GRM5: variants seen among roughly 807,000 people sequenced by gnomAD.
GRM5 encodes metabotropic glutamate receptor 5.
In GRM5, 19 loss-of-function variants were observed where a neutral mutation model predicts 83.1. The observed-to-expected ratio is 0.23, with a 90% confidence interval of 0.16 to 0.34. The LOEUF is 0.34. Ranked by LOEUF, GRM5 falls within the 10% of genes least tolerant of loss-of-function variation. The pLI is 1.00. For missense variants in GRM5, 1,160 were observed against 1,588.3 expected (o/e 0.73, Z 4.58); for synonymous variants, 675 against 633.6 (o/e 1.07, Z -0.98).
Position 88,849,569 on chromosome 11 carries a change from A to T in GRM5, c.911+337T>A, listed in dbSNP as rs182639928. Among the ~76,000 whole-genome samples the T allele has an allele frequency of 1.6e-3, 240 of 152,320 alleles. 1 individual carries two copies. The highest frequency in any genetic ancestry group is 5.5e-3 in the African/African-American group (228 of 41,580). ...AGCTCATGTAGTCATTCTCAAAATC[A>T]GCTTTAAAAGCAACTATGAGTTTGA... On this transcript the variant is annotated intron_variant, in intron 3 of 9. Transcript: ENST00000305447.
intron 3 of GRM5, among the ~76,000 whole-genome samples, chr11:88,700,480 A>G (rs1355938637): frequency 2.0e-5 from 3 of 152,208 alleles, no homozygotes; most frequent in Non-Finnish European, 4.4e-5. Flanking sequence ...GGTCCCCAGT[A>G]TGGCACAACT....
At chr11:89,008,064 G>T (rs1940580329) in intron 2 of GRM5, among the ~76,000 whole-genome samples, 1 of 152,080 alleles carries the variant, frequency 6.6e-6, no homozygotes, top group Non-Finnish European at 1.5e-5. Flanking sequence ...GTTGTAAGAG[G>T]AGAAATATGT....
At chr11:88,888,798 G>A (rs968272209) in intron 2 of GRM5, among the ~76,000 whole-genome samples, 2 of 152,080 alleles carry the variant, frequency 1.3e-5, no homozygotes, top group Non-Finnish European at 2.9e-5. Flanking sequence ...CTTTCTGTAT[G>A]GTTCTGTCCA....
Position 88,762,579 on chromosome 11 carries a change from T to A in GRM5, c.911+87327A>T, listed in dbSNP as rs955811752. On this transcript the variant is annotated intron_variant, in intron 3 of 9. Coordinates refer to ENST00000305447, the MANE Select transcript of GRM5 (RefSeq NM_001143831.3). Reference sequence around the variant, plus strand: ...AAAGGGGAAACTTATACACTGTTGATGGGTGTGTAAACTAGTTCAACTATT... The same window carrying A: ...AAAGGGGAAACTTATACACTGTTGAAGGGTGTGTAAACTAGTTCAACTATT... 2.3e-4 allele frequency among the ~76,000 whole-genome samples: 35 copies of A among 151,996 alleles called. 1 individual carries two copies. The highest frequency in any genetic ancestry group is 1.6e-3 in the Admixed American group (24 of 15,222).
intron 2 of GRM5, among the ~76,000 whole-genome samples, chr11:88,890,436 G>C (rs1243766781): frequency 6.6e-6 from 1 of 152,090 alleles, no homozygotes; most frequent in Non-Finnish European, 1.5e-5. Context: ...TCTTACAAGT[G>C]CTGAATATTC....
At chr11:88,873,666 T>A (rs1944804496) in intron 2 of GRM5, among the ~76,000 whole-genome samples, 1 of 151,340 alleles carries the variant, frequency 6.6e-6, no homozygotes, top group Non-Finnish European at 1.5e-5. Flanking sequence ...TTGATACAAA[T>A]GAAAATGGAA....
chr11:88,856,550 T>C (rs1590916305), intron 2 of GRM5, among the ~76,000 whole-genome samples: 1 of 152,194 alleles, frequency 6.6e-6, no homozygotes, highest in African/African-American at 2.4e-5. Context: ...TTTAAATGTA[T>C]ATAAGTAGAA....
intron 3 of GRM5, among the ~76,000 whole-genome samples, chr11:88,836,096 T>C (rs2135525215): frequency 6.6e-6 from 1 of 152,298 alleles, no homozygotes. Flanking sequence ...TGAGTAATAT[T>C]GAAAACTTAA....
intron 4 of GRM5, chr11:88,612,752 T>C (rs1231851162): frequency 6.6e-6 from 1 of 152,236 alleles, no homozygotes; most frequent in Non-Finnish European, 1.5e-5. Context: ...GTTTTTTGGC[T>C]GCATAAATGT....
At chr11:88,880,534 C>T (rs961152666) in intron 2 of GRM5, among the ~76,000 whole-genome samples, 11 of 152,122 alleles carry the variant, frequency 7.2e-5, no homozygotes, top group African/African-American at 2.7e-4. Context: ...TAAACAACAA[C>T]CCTGGAATAC....
chr11:88,800,351 T>C lies in GRM5; in HGVS notation c.911+49555A>G, dbSNP rs143994237. On this transcript the variant is annotated intron_variant, in intron 3 of 9. Transcript: ENST00000305447. ...TTTTCTTGACAAAGAGAGATTGTCA[T>C]AGCAATTCCTTTTCTGACAATCACA... Among the ~76,000 whole-genome samples the C allele has an allele frequency of 3.3e-5, 5 of 152,170 alleles. No individual in the cohort carries two copies. In the East Asian group the frequency reaches 7.7e-4, roughly 24 times the overall value.
Position 89,047,758 on chromosome 11 carries a change from C to T in GRM5, c.115G>A (p.Ala39Thr). The change falls in exon 2 of 10, where the codon GCT (alanine) becomes ACT (threonine). Residue 39 changes from alanine to threonine, a missense_variant. Around this residue, in one of 9 missense-constraint regions of GRM5, gnomAD observed 71 missense variants for 145.8 expected, o/e 0.49. Coordinates refer to ENST00000305447, the MANE Select transcript of GRM5 (RefSeq NM_001143831.3). The surrounding 1 kb of genome is among the most constrained non-coding windows in gnomAD (Gnocchi z 5.1). ...GGCTGGTGATGAACAGAAAAGAGAG[C>T]TCCAATAATGATGTCACCCGGCATG... ...AHMPGDIIIG[A>T]LFSVHHQPTV... is the part of the protein sequence containing the mutation. 2 of 1,614,080 alleles carry T rather than the reference C, an allele frequency of 1.2e-6. No homozygotes were observed. The highest frequency in any genetic ancestry group is 1.7e-6 in the Non-Finnish European group (2 of 1,180,004).
At chr11:88,578,910 A>G (rs531733608) in intron 7 of GRM5, among the ~76,000 whole-genome samples, 1 of 152,230 alleles carries the variant, frequency 6.6e-6, no homozygotes, top group South Asian at 2.1e-4. Context: ...ATCCTGTTAG[A>G]AAGAATCCAT....
intron 3 of GRM5, among the ~76,000 whole-genome samples, chr11:88,774,936 G>A (rs1942816692): frequency 6.6e-6 from 1 of 152,200 alleles, no homozygotes; most frequent in African/African-American, 2.4e-5. Flanking sequence ...CCAGGCTTTG[G>A]TATCAGGATG....
rs1012931555 is a variant in GRM5 at position 88,507,059 on chromosome 11, C to T, written c.*1533G>A. On this transcript the variant is annotated 3_prime_UTR_variant, in exon 10 of 10. Transcript: ENST00000305447. Reference sequence around the variant, plus strand: ...CAAAACATTTGGTACCTGAGGATAGCTGCAATGGGAGGAAGAAAGAGATGA... The same window carrying T: ...CAAAACATTTGGTACCTGAGGATAGTTGCAATGGGAGGAAGAAAGAGATGA... The T allele has an allele frequency of 1.2e-4, 18 of 152,034 alleles. No individual in the cohort carries two copies. The highest frequency in any genetic ancestry group is 4.4e-4 in the African/African-American group (18 of 41,348). The allele number at this position is 152,034 out of a possible 1,614,324, so 9.4% of individuals were successfully genotyped here.
Position 88,638,855 on chromosome 11 carries a change from CTCTTT to C in GRM5, c.1147+14308_1147+14312del, listed in dbSNP as rs560427101. The stretch of plus-strand genomic sequence containing the variant: ...CTGATATTAGTAATTTGTATTGTTT[CTCTTT>C]TCTTTTTTTTCTGATCAATTTGATT... On this transcript the variant is annotated intron_variant, in intron 4 of 9. Transcript: ENST00000305447. Among the ~76,000 whole-genome samples the C allele has an allele frequency of 3.6e-3, 540 of 151,932 alleles. 5 individuals are homozygous for C. The highest frequency in any genetic ancestry group is 4.2e-3 in the Non-Finnish European group (282 of 67,912).
intron 3 of GRM5, among the ~76,000 whole-genome samples, chr11:88,813,061 A>G (rs1047229649): frequency 2.0e-5 from 3 of 152,092 alleles, no homozygotes; most frequent in Non-Finnish European, 1.5e-5. Flanking sequence ...TCCGGGGAAG[A>G]TTAGTATTTA....
intron 2 of GRM5, among the ~76,000 whole-genome samples, chr11:88,936,903 T>A (rs529317536): frequency 3.8e-4 from 58 of 151,876 alleles, no homozygotes; most frequent in African/African-American, 1.3e-3. Flanking sequence ...TAGTAATCAC[T>A]TTGAATGCTA....
chr11:88,602,724 A>T (rs1938034296), intron 5 of GRM5, among the ~76,000 whole-genome samples: 1 of 152,204 alleles, frequency 6.6e-6, no homozygotes, highest in Admixed American at 6.5e-5. Context: ...TGACTCTATC[A>T]TTTACTAGAC....
Sources: allele counts gnomAD v4.1 joint callset (sites outside exome capture counted in the v4.1 genomes callset), GRCh38; gene constraint gnomAD v4.1.1; regional missense constraint gnomAD v4.1.1; non-coding constraint Gnocchi (gnomAD v3.1); transcripts MANE v1.5; gene names NCBI Gene and HGNC (gene_info 2026-07-23, HGNC 2026-07-21).